NAALADL2: variants seen among roughly 807,000 people sequenced by gnomAD.
The protein encoded by NAALADL2 is N-acetylated alpha-linked acidic dipeptidase like 2.
Under a neutral mutation model 87.2 loss-of-function variants are expected in NAALADL2, and 76 were observed. The ratio of observed to expected loss-of-function variants is 0.87; its 90% CI spans 0.72 to 1.05. NAALADL2 has a LOEUF of 1.05. Ranked by LOEUF, NAALADL2 falls within the 50% of genes least tolerant of loss-of-function variation. NAALADL2 has a pLI of 0.00. For missense variants in NAALADL2, 1,089 were observed against 945.8 expected (o/e 1.15, Z -1.99); for synonymous variants, 354 against 331.0 (o/e 1.07, Z -0.75).
chr3:175,711,389 A>T lies in NAALADL2; in HGVS notation c.1897-25917A>T, dbSNP rs190685465. Among the ~76,000 whole-genome samples the T allele has an allele frequency of 2.7e-3, 410 of 152,006 alleles. 2 individuals are homozygous for T. Among genetic ancestry groups the T allele is most frequent in the Non-Finnish European group, 4.1e-3 (281 of 67,834 alleles). The stretch of plus-strand genomic sequence containing the variant: ...CATCATTCAAAGAATCAATTTTTTT[A>T]AAATTCTGCAATGTGGTTTACTAGA... On this transcript the variant is annotated intron_variant, in intron 11 of 13. Transcript: ENST00000454872.
intron 5 of NAALADL2, among the ~76,000 whole-genome samples, chr3:175,368,218 G>C (rs1183165906): frequency 6.6e-6 from 1 of 152,116 alleles, no homozygotes; most frequent in East Asian, 1.9e-4. Context: ...ACTTGATCAT[G>C]GTGGATAAGC....
chr3:175,667,761 T>C (rs1286791320), intron 11 of NAALADL2, among the ~76,000 whole-genome samples: 3 of 146,478 alleles, frequency 2.0e-5, no homozygotes, highest in East Asian at 4.0e-4. Context: ...TTTTTTTTTT[T>C]CTGTAACAGG....
intron 3 of NAALADL2, among the ~76,000 whole-genome samples, chr3:174,818,028 C>T (rs1471511605): frequency 1.3e-5 from 2 of 152,148 alleles, no homozygotes; most frequent in African/African-American, 4.8e-5. Flanking sequence ...GGGCTTTCTT[C>T]ATCTGATAAC....
intron 1 of NAALADL2, among the ~76,000 whole-genome samples, chr3:174,975,477 A>C (rs576614153): frequency 6.6e-6 from 1 of 152,246 alleles, no homozygotes; most frequent in Non-Finnish European, 1.5e-5. Flanking sequence ...TTGATGCAAA[A>C]ATAATTTTTT....
intron 3 of NAALADL2, among the ~76,000 whole-genome samples, chr3:174,826,437 A>G (rs369870056): frequency 6.6e-6 from 1 of 152,180 alleles, no homozygotes; most frequent in African/African-American, 2.4e-5. Flanking sequence ...GATTATATGG[A>G]TTAATATACT....
intron 9 of NAALADL2, among the ~76,000 whole-genome samples, chr3:175,565,422 G>A (rs745384006): frequency 6.6e-6 from 1 of 152,062 alleles, no homozygotes; most frequent in Non-Finnish European, 1.5e-5. Context: ...CACACAAACC[G>A]TGTAAGCAAG....
chr3:175,405,796 T>C (rs1712237867), intron 5 of NAALADL2, among the ~76,000 whole-genome samples: 1 of 152,254 alleles, frequency 6.6e-6, no homozygotes, highest in Non-Finnish European at 1.5e-5. Flanking sequence ...AATAATCCTA[T>C]GAGGTTAAGT....
chr3:174,659,394 T>C (rs1033012913), intron 2 of NAALADL2, among the ~76,000 whole-genome samples: 2 of 152,242 alleles, frequency 1.3e-5, no homozygotes, highest in African/African-American at 4.8e-5. Flanking sequence ...CTAGTTCATA[T>C]TCTTTGCTAC....
intron 2 of NAALADL2, among the ~76,000 whole-genome samples, chr3:174,716,733 C>T (rs1731228861): frequency 6.6e-6 from 1 of 151,884 alleles, no homozygotes; most frequent in Non-Finnish European, 1.5e-5. Flanking sequence ...TATATCCACA[C>T]ACCTACACAC....
At chr3:175,567,580 AG>A (rs1262875584) in intron 9 of NAALADL2, among the ~76,000 whole-genome samples, 7 of 152,298 alleles carry the variant, frequency 4.6e-5, no homozygotes, top group African/African-American at 1.7e-4. Context: ...GTAGACTAGA[AG>A]ATTAGCAATT....
rs568718569 is a variant in NAALADL2 at position 175,578,532 on chromosome 3, A to G, written c.1800+2345A>G. 4.6e-5 allele frequency among the ~76,000 whole-genome samples: 7 copies of G among 152,306 alleles called. No homozygotes were observed. In the East Asian group the frequency reaches 9.6e-4, roughly 21 times the overall value. ...CCATGCTAAGCATTTTATACCCCTT[A>G]TATCATTTATTATTTAAAACATCAC... On this transcript the variant is annotated intron_variant, in intron 10 of 13. Transcript: ENST00000454872.
intron 3 of NAALADL2, among the ~76,000 whole-genome samples, chr3:174,763,790 GTTTTC>G (rs1713407612): frequency 6.8e-6 from 1 of 146,270 alleles, no homozygotes; most frequent in Non-Finnish European, 1.5e-5. Context: ...CTATACATCA[GTTTTC>G]TTTTCTGGTT....
chr3:175,151,023 T>A (rs575674461), intron 2 of NAALADL2, among the ~76,000 whole-genome samples: 2 of 152,226 alleles, frequency 1.3e-5, no homozygotes, highest in South Asian at 4.1e-4. Context: ...CTGGATGGAA[T>A]TGAAATTCAA....
intron 1 of NAALADL2, among the ~76,000 whole-genome samples, chr3:174,884,570 G>C (rs1464346204): frequency 1.3e-5 from 2 of 152,174 alleles, no homozygotes; most frequent in Non-Finnish European, 2.9e-5. Flanking sequence ...ACGGATGGTA[G>C]TCTTGGCAGA....
intron 2 of NAALADL2, among the ~76,000 whole-genome samples, chr3:175,156,434 A>G (rs1690833299): frequency 6.6e-6 from 1 of 152,116 alleles, no homozygotes; most frequent in African/African-American, 2.4e-5. Context: ...TTATGTGATC[A>G]ATGATTGATT....
intron 11 of NAALADL2, among the ~76,000 whole-genome samples, chr3:175,666,028 G>A (rs988657297): frequency 1.3e-5 from 2 of 152,042 alleles, no homozygotes; most frequent in Admixed American, 1.3e-4. Flanking sequence ...CCCTGTTTTA[G>A]AACACTGAAA....
chr3:175,719,869 G>A (rs1741976037), intron 11 of NAALADL2, among the ~76,000 whole-genome samples: 1 of 152,180 alleles, frequency 6.6e-6, no homozygotes, highest in Non-Finnish European at 1.5e-5. Flanking sequence ...ACTGTTTCCT[G>A]ATTCACAGAA....
intron 1 of NAALADL2, among the ~76,000 whole-genome samples, chr3:174,915,464 A>G (rs1734242761): frequency 6.6e-6 from 1 of 152,144 alleles, no homozygotes; most frequent in Non-Finnish European, 1.5e-5. Flanking sequence ...ACAACTTCAT[A>G]GAACTATTAT....
intron 1 of NAALADL2, among the ~76,000 whole-genome samples, chr3:175,021,757 A>T (rs1751587896): frequency 6.6e-6 from 1 of 152,130 alleles, no homozygotes; most frequent in African/African-American, 2.4e-5. Flanking sequence ...GCATGTGCAG[A>T]TATTTAAGCA....
Sources: gnomAD v4.1 joint callset for allele counts (sites outside exome capture counted in the v4.1 genomes callset) on GRCh38, gnomAD v4.1.1 for gene constraint, MANE v1.5 for transcripts, NCBI Gene and HGNC (gene_info 2026-07-23, HGNC 2026-07-21) for gene names.